Variants in UBAP2 observed in about 807,000 individuals in gnomAD.
The protein encoded by UBAP2 is ubiquitin associated protein 2, also known as ubiquitin-associated protein 2.
A neutral mutation model predicts 139.6 loss-of-function variants in UBAP2; 75 were observed. That is an observed-to-expected ratio of 0.54 (90% CI 0.45 to 0.65). The LOEUF is 0.65. Among genes scored for constraint, UBAP2 ranks in the 30% least tolerant of loss-of-function variants. The probability of loss-of-function intolerance (pLI) is 0.00; values close to 1 mark genes in which losing one functional copy is unlikely to be tolerated. For synonymous variants in UBAP2, 526 were observed against 526.2 expected (o/e 1.00, Z 0.01); for missense variants, 1,368 against 1,369.6 (o/e 1.00, Z 0.02).
chr9:33,983,745 T>A (rs2131121527), intron 6 of UBAP2, among the ~76,000 whole-genome samples: 1 of 152,362 alleles, frequency 6.6e-6, no homozygotes, highest in Middle Eastern at 3.4e-3. Flanking sequence ...GTTGCCATCT[T>A]TCTATCTTTG....
intron 13 of UBAP2, among the ~76,000 whole-genome samples, chr9:33,946,463 G>T (rs541586052): frequency 1.3e-5 from 2 of 152,070 alleles, no homozygotes; most frequent in Non-Finnish European, 2.9e-5. Context: ...TTTTTCAAAC[G>T]GTTTTAATAA....
At position 33,964,378 on chromosome 9, in the gene UBAP2, T is replaced by A. The variant is rs573194309; in HGVS notation, c.680-587A>T. Among the ~76,000 whole-genome samples the A allele has an allele frequency of 5.6e-4, 85 of 152,318 alleles. 1 individual carries two copies. The highest frequency in any genetic ancestry group is 2.0e-3 in the African/African-American group (82 of 41,570). On this transcript the variant is annotated intron_variant, in intron 8 of 28. Coordinates refer to ENST00000379238, the MANE Select transcript of UBAP2 (RefSeq NM_001370062.2). ...TGCTTTTCAGCAAGAAATCTGCTACTTTAAATAATAAGTGGGAGGAGATGA... is the reference window on the plus strand; with the variant it reads ...TGCTTTTCAGCAAGAAATCTGCTACATTAAATAATAAGTGGGAGGAGATGA...
At chr9:33,967,949 A>G (rs1249329526) in intron 8 of UBAP2, 16 of 216,466 alleles carry the variant, frequency 7.4e-5, no homozygotes, top group Admixed American at 4.1e-4. Flanking sequence ...TTTTCACTAC[A>G]TATTTCTTTA....
At chr9:34,002,924 A>G (rs1440008816) in intron 2 of UBAP2, among the ~76,000 whole-genome samples, 51 of 152,048 alleles carry the variant, frequency 3.4e-4, no homozygotes, top group Admixed American at 3.3e-3. Flanking sequence ...CCCGAGCTTA[A>G]GCAATTCCTC....
intron 12 of UBAP2, among the ~76,000 whole-genome samples, chr9:33,951,332 ATTTTTTTTTTTTTTTTT>A (rs57473520): frequency 1.4e-4 from 10 of 69,002 alleles, no homozygotes; most frequent in South Asian, 5.0e-4. Context: ...CTCCCCAATG[ATTTTTTTTTTTTTTTTT>A]TTTTTTTTTT....
chr9:33,985,092 T>C (rs1821092773), intron 6 of UBAP2, among the ~76,000 whole-genome samples: 1 of 152,186 alleles, frequency 6.6e-6, no homozygotes, highest in Non-Finnish European at 1.5e-5. Flanking sequence ...TACCGTATGA[T>C]CCAGCAATCC....
At chr9:33,958,795 C>T (rs1021587767) in intron 10 of UBAP2, among the ~76,000 whole-genome samples, 15 of 147,548 alleles carry the variant, frequency 1.0e-4, no homozygotes, top group Non-Finnish European at 2.1e-4. Context: ...AAGAGGATCC[C>T]TTGAGCACAG....
chr9:33,944,213 C>A, intron 14 of UBAP2, 152 bp downstream of exon 14: 1 of 997,180 alleles, frequency 1.0e-6, no homozygotes, highest in Non-Finnish European at 1.5e-6. Flanking sequence ...CTAGTCTGGT[C>A]ACTCAGAAAT....
intron 1 of UBAP2, among the ~76,000 whole-genome samples, chr9:34,019,949 C>T (rs1824764107): frequency 6.6e-6 from 1 of 151,826 alleles, no homozygotes; most frequent in African/African-American, 2.4e-5. Flanking sequence ...ATCACGAGGT[C>T]AGGAGTTCGA....
At chr9:33,941,305 T>A (rs574037372) in intron 16 of UBAP2, among the ~76,000 whole-genome samples, 1 of 152,222 alleles carries the variant, frequency 6.6e-6, no homozygotes, top group East Asian at 1.9e-4. Flanking sequence ...AAGAAGCAAA[T>A]ACATTCAAAG....
intron 11 of UBAP2, 32 bp from the exon 12 acceptor site, chr9:33,953,506 C>A: frequency 6.3e-7 from 1 of 1,586,706 alleles, no homozygotes; most frequent in South Asian, 1.1e-5. Flanking sequence ...AGGAACCAGT[C>A]ATAAGCAAAT....
chr9:34,001,226 G>A (rs1697108936), intron 2 of UBAP2, among the ~76,000 whole-genome samples: 3 of 152,176 alleles, frequency 2.0e-5, no homozygotes. Context: ...AAATCTCTAA[G>A]TAAAAAAGGT....
intron 18 of UBAP2, 34 bp from the exon 19 acceptor site, chr9:33,932,662 T>G: frequency 6.2e-7 from 1 of 1,611,304 alleles, no homozygotes; most frequent in Non-Finnish European, 8.5e-7. Flanking sequence ...TATGTCCACC[T>G]GAACAAGTGA....
intron 6 of UBAP2, among the ~76,000 whole-genome samples, chr9:33,984,436 G>A (rs1821027260): frequency 6.6e-6 from 1 of 152,086 alleles, no homozygotes; most frequent in Admixed American, 6.6e-5. Context: ...ACTGAGGTAG[G>A]AGGACAGCTT....
chr9:34,015,492 G>C (rs892195771), intron 2 of UBAP2, among the ~76,000 whole-genome samples: 3 of 11,646 alleles, frequency 2.6e-4, no homozygotes, highest in African/African-American at 5.4e-4. Flanking sequence ...GCTAATTTTC[G>C]TATTTTTTTT....
intron 6 of UBAP2, among the ~76,000 whole-genome samples, chr9:33,978,328 A>C (rs1820337497): frequency 6.6e-6 from 1 of 152,048 alleles, no homozygotes; most frequent in African/African-American, 2.4e-5. Flanking sequence ...GAGCCACAGT[A>C]GTTTGAGATC....
At chr9:34,041,816 G>A (rs1827120055) in intron 1 of UBAP2, among the ~76,000 whole-genome samples, 1 of 152,002 alleles carries the variant, frequency 6.6e-6, no homozygotes. Flanking sequence ...CTGAGGTCAG[G>A]AGTTCGAGAC....
chr9:34,033,788 T>A (rs1587692507), intron 1 of UBAP2, among the ~76,000 whole-genome samples: 1 of 150,864 alleles, frequency 6.6e-6, no homozygotes, highest in Non-Finnish European at 1.5e-5. Context: ...CAGGCTGGAG[T>A]GCAATGGCAT....
intron 2 of UBAP2, among the ~76,000 whole-genome samples, chr9:34,004,890 G>C (rs1267694494): frequency 3.3e-5 from 5 of 152,138 alleles, no homozygotes; most frequent in African/African-American, 1.2e-4. Context: ...AGACCAGCCT[G>C]GGCAACATAG....
Sources: gnomAD v4.1 joint callset for allele counts (sites outside exome capture counted in the v4.1 genomes callset) on GRCh38, gnomAD v4.1.1 for gene constraint, MANE v1.5 for transcripts, NCBI Gene and HGNC (gene_info 2026-07-23, HGNC 2026-07-21) for gene names.